Variants in ACTR3C observed in about 807,000 individuals in gnomAD.
ACTR3C encodes actin-related protein 3C.
In ACTR3C, 18 loss-of-function variants were observed where a neutral mutation model predicts 26.3. The ratio of observed to expected loss-of-function variants is 0.68; its 90% CI spans 0.47 to 1.01. The LOEUF (loss-of-function observed/expected upper bound fraction) is 1.01. Among genes scored for constraint, ACTR3C ranks in the 50% least tolerant of loss-of-function variants. The probability of loss-of-function intolerance (pLI) is 0.00; values close to 1 mark genes in which losing one functional copy is unlikely to be tolerated. For synonymous variants in ACTR3C, 55 were observed against 94.5 expected, an observed-to-expected ratio of 0.58 and a Z score of 2.42; for missense variants, 184 against 250.7, an observed-to-expected ratio of 0.73 and a Z score of 1.80.
At chr7:150,315,665 C>A (rs1294035124) in intron 1 of ACTR3C, among the ~76,000 whole-genome samples, 3 of 150,880 alleles carry the variant, frequency 2.0e-5, no homozygotes, top group Non-Finnish European at 2.9e-5. Flanking sequence ...GCCCCCTCAA[C>A]AACACAGTTC....
chr7:150,103,754 C>T, the ACTR3C span, among the ~76,000 whole-genome samples: 1 of 151,910 alleles, frequency 6.6e-6, no homozygotes, highest in East Asian at 1.9e-4. Context: ...GTTGAGGGCA[C>T]CTTCATGATG....
chr7:149,970,215 T>C, the ACTR3C span, among the ~76,000 whole-genome samples: 1 of 151,698 alleles, frequency 6.6e-6, no homozygotes, highest in East Asian at 1.9e-4. Context: ...ACCAAATGTA[T>C]TTCAACCCCA....
chr7:150,059,011 A>T, the ACTR3C span, among the ~76,000 whole-genome samples: 1 of 152,226 alleles, frequency 6.6e-6, no homozygotes, highest in Admixed American at 6.5e-5. Flanking sequence ...GCAGGTACTG[A>T]ACTAAAACCA....
chr7:150,039,890 T>A, the ACTR3C span, among the ~76,000 whole-genome samples: 186 of 113,184 alleles, frequency 1.6e-3, no homozygotes, highest in African/African-American at 5.0e-3. Context: ...TCAGTCCCCG[T>A]GTCGTGAGGG....
chr7:150,175,020 G>C, the ACTR3C span, among the ~76,000 whole-genome samples: 1 of 146,420 alleles, frequency 6.8e-6, no homozygotes, highest in Non-Finnish European at 1.5e-5. Flanking sequence ...TATGGAAATG[G>C]AAATGAAGAG....
downstream of ACTR3C, among the ~76,000 whole-genome samples, chr7:150,240,805 A>G (rs953132091): frequency 2.6e-5 from 4 of 152,242 alleles, no homozygotes; most frequent in African/African-American, 9.6e-5. Context: ...TATGACATGA[A>G]GAAAACACTA....
the ACTR3C span, among the ~76,000 whole-genome samples, chr7:150,188,488 T>C: frequency 2.0e-5 from 3 of 151,724 alleles, no homozygotes; most frequent in Admixed American, 6.6e-5. Context: ...ATAGAATTAC[T>C]GGGTCTATGG....
chr7:150,010,619 G>T, the ACTR3C span, among the ~76,000 whole-genome samples: 38 of 151,380 alleles, frequency 2.5e-4, 1 homozygote, highest in African/African-American at 9.0e-4. Context: ...GCTTGAACCT[G>T]GGAGGCAGAG....
At chr7:150,269,541 A>G (rs1324322520) in intron 6 of ACTR3C, among the ~76,000 whole-genome samples, 1 of 145,782 alleles carries the variant, frequency 6.9e-6, no homozygotes, top group Non-Finnish European at 1.5e-5. Context: ...CGACAAGCAC[A>G]GTGGGTTCTC....
chr7:150,171,194 C>T, the ACTR3C span, among the ~76,000 whole-genome samples: 3 of 142,216 alleles, frequency 2.1e-5, no homozygotes, highest in East Asian at 2.0e-4. Flanking sequence ...ATGGATCACT[C>T]GCCACAGTAG....
chr7:149,934,650 G>A, the ACTR3C span, among the ~76,000 whole-genome samples: 1 of 151,064 alleles, frequency 6.6e-6, no homozygotes, highest in South Asian at 2.1e-4. Context: ...CTTATATGGT[G>A]AATCTCAGTT....
chr7:149,930,578 C>T, the ACTR3C span, among the ~76,000 whole-genome samples: 1 of 152,204 alleles, frequency 6.6e-6, no homozygotes, highest in Non-Finnish European at 1.5e-5. Flanking sequence ...CGCCTGGTCC[C>T]TCTGAGCCAC....
the ACTR3C span, among the ~76,000 whole-genome samples, chr7:149,966,638 T>A: frequency 6.6e-6 from 1 of 152,176 alleles, no homozygotes; most frequent in African/African-American, 2.4e-5. Context: ...ACTCACTAGA[T>A]GCCAGGTCTG....
At chr7:150,289,103 T>C (rs1312697984) in intron 4 of ACTR3C, among the ~76,000 whole-genome samples, 1 of 151,880 alleles carries the variant, frequency 6.6e-6, no homozygotes, top group Non-Finnish European at 1.5e-5. Context: ...GCTGCTGTGG[T>C]CGCCTCCTGA....
chr7:150,315,121 A>G (rs1288521201), intron 1 of ACTR3C, among the ~76,000 whole-genome samples: 1 of 147,296 alleles, frequency 6.8e-6, no homozygotes, highest in African/African-American at 2.5e-5. Flanking sequence ...TATTTTATAT[A>G]TTATGTATAA....
chr7:150,079,708 C>T, the ACTR3C span, among the ~76,000 whole-genome samples: 2 of 152,282 alleles, frequency 1.3e-5, no homozygotes, highest in Admixed American at 6.5e-5. Context: ...TTGTATCCTC[C>T]ACAGTGGGGG....
chr7:150,047,741 G>T, the ACTR3C span: 2 of 1,438,922 alleles, frequency 1.4e-6, no homozygotes, highest in East Asian at 6.1e-5. Flanking sequence ...TGGCTCCTGC[G>T]CCGCCGTCCT....
downstream of ACTR3C, among the ~76,000 whole-genome samples, chr7:150,239,536 CTCTCTATATA>C (rs1425918368): frequency 8.8e-6 from 1 of 113,018 alleles, no homozygotes; most frequent in South Asian, 2.7e-4. Flanking sequence ...CTCTCTCTCT[CTCTCTATATA>C]TATATATATA....
downstream of ACTR3C, among the ~76,000 whole-genome samples, chr7:150,239,540 C>CTATATA (rs869280836): frequency 2.5e-3 from 226 of 90,164 alleles, 3 homozygotes; most frequent in Non-Finnish European, 3.1e-3. Flanking sequence ...CTCTCTCTCT[C>CTATATA]TATATATATA....
Sources: gnomAD v4.1 joint callset for allele counts (sites outside exome capture counted in the v4.1 genomes callset) on GRCh38, gnomAD v4.1.1 for gene constraint, MANE v1.5 for transcripts, NCBI Gene and HGNC (gene_info 2026-07-23, HGNC 2026-07-21) for gene names.